Variants in EEFSEC observed in about 807,000 individuals in gnomAD.
EEFSEC encodes the protein selenocysteine-specific elongation factor.
EEFSEC carries 43 observed loss-of-function variants against 42.1 expected under a neutral mutation model. That is an observed-to-expected ratio of 1.02 (90% CI 0.80 to 1.32). The LOEUF (loss-of-function observed/expected upper bound fraction) is 1.32, where lower values mean the gene tolerates loss of function less well. Among genes scored for constraint, EEFSEC ranks in the 40% most tolerant of loss-of-function variants. The probability of loss-of-function intolerance (pLI) is 0.00; values close to 1 mark genes in which losing one functional copy is unlikely to be tolerated. For missense variants in EEFSEC, 745 were observed against 803.6 expected, an observed-to-expected ratio of 0.93 and a Z score of 0.88; for synonymous variants, 354 against 339.1, an observed-to-expected ratio of 1.04 and a Z score of -0.48.
intron 6 of EEFSEC, among the ~76,000 whole-genome samples, chr3:128,385,065 G>T (rs2067822808): frequency 6.6e-6 from 1 of 152,174 alleles, no homozygotes; most frequent in Non-Finnish European, 1.5e-5. Context: ...TCCTGGCCCA[G>T]GACAAGGAGT....
chr3:128,153,630 G>A lies in EEFSEC; in HGVS notation c.123G>A (p.Gln41=), dbSNP rs1944297184. The A allele has an allele frequency of 6.3e-7, 1 of 1,597,876 alleles. No homozygotes were observed. The highest frequency in any genetic ancestry group is 1.4e-5 in the African/African-American group (1 of 73,580). ...ASTAAFDKQP[Q]SRERGITLDL... Reference sequence around the variant, plus strand: ...CCGCCGCCTTTGACAAGCAGCCGCAGAGCCGCGAGCGCGGCATCACGCTCG... The same window carrying A: ...CCGCCGCCTTTGACAAGCAGCCGCAAAGCCGCGAGCGCGGCATCACGCTCG... Residue 41 remains glutamine (Q), a synonymous_variant, in exon 1 of 7, where the codon CAG becomes CAA. Coordinates refer to ENST00000254730, the MANE Select transcript of EEFSEC (RefSeq NM_021937.5).
chr3:128,347,228 A>G (rs1314622532), intron 5 of EEFSEC, among the ~76,000 whole-genome samples: 3 of 152,122 alleles, frequency 2.0e-5, no homozygotes, highest in Admixed American at 6.6e-5. Context: ...GTGTACTTCT[A>G]TAAGAGTGTG....
chr3:128,425,140 A>C, the EEFSEC span, among the ~76,000 whole-genome samples: 17 of 152,202 alleles, frequency 1.1e-4, no homozygotes, highest in Admixed American at 1.0e-3. Flanking sequence ...GAGTCAAAAG[A>C]GAGAACAGGT....
the EEFSEC span, among the ~76,000 whole-genome samples, chr3:128,424,632 GC>G: frequency 6.6e-6 from 1 of 152,012 alleles, no homozygotes; most frequent in African/African-American, 2.4e-5. Context: ...TGATCTTCCT[GC>G]CTTGGCCTCT....
Position 128,317,835 on chromosome 3 carries a change from G to C in EEFSEC, c.787-23398G>C, listed in dbSNP as rs1480159588. ...AGCTGCTCCGTCCATCCACAGGCCT[G>C]GCACAGATGTCCCCTCCTCTCTGAG... is the stretch of plus-strand genomic sequence containing the variant. On this transcript the variant is annotated intron_variant, in intron 4 of 6. Coordinates refer to ENST00000254730, the MANE Select transcript of EEFSEC (RefSeq NM_021937.5). This position sits in a 1 kb window ranked among gnomAD's most constrained non-coding sequence, Gnocchi z 4.1. Among the ~76,000 whole-genome samples the C allele has an allele frequency of 6.6e-6, 1 of 152,214 alleles. No individual in the cohort carries two copies. Among genetic ancestry groups the C allele is most frequent in the East Asian group, 1.9e-4 (1 of 5,192 alleles).
chr3:128,205,524 T>C (rs1553742390), intron 1 of EEFSEC, among the ~76,000 whole-genome samples: 1 of 152,242 alleles, frequency 6.6e-6, no homozygotes, highest in Non-Finnish European at 1.5e-5. Context: ...TGCCTAATAA[T>C]AGGATCTCCA....
chr3:128,298,317 T>G (rs2066731313), intron 4 of EEFSEC, among the ~76,000 whole-genome samples: 1 of 152,138 alleles, frequency 6.6e-6, no homozygotes, highest in Admixed American at 6.5e-5. Flanking sequence ...CCAGCTGATT[T>G]TAAAGTTTTT....
intron 1 of EEFSEC, among the ~76,000 whole-genome samples, chr3:128,228,791 C>G: frequency 6.6e-6 from 1 of 152,158 alleles, no homozygotes; most frequent in East Asian, 1.9e-4. Context: ...GGTAATAGTA[C>G]CTGTATCCTA....
At chr3:128,303,164 C>T (rs1300083366) in intron 4 of EEFSEC, among the ~76,000 whole-genome samples, 5 of 152,054 alleles carry the variant, frequency 3.3e-5, no homozygotes, top group African/African-American at 9.7e-5. Flanking sequence ...ACGGAGGTCT[C>T]ACTTTTTTGT....
At chr3:128,168,318 G>A (rs374715617) in intron 1 of EEFSEC, among the ~76,000 whole-genome samples, 1 of 152,174 alleles carries the variant, frequency 6.6e-6, no homozygotes, top group Non-Finnish European at 1.5e-5. Context: ...ACAAAAAGAG[G>A]TCACTGTCTC....
At chr3:128,241,201 C>CTTTTTTTTTT (rs373420882) in intron 1 of EEFSEC, among the ~76,000 whole-genome samples, 3 of 80,668 alleles carry the variant, frequency 3.7e-5, no homozygotes, top group African/African-American at 5.0e-5. Flanking sequence ...CTCTCTCTCT[C>CTTTTTTTTTT]TTTTTTTTTT....
At chr3:128,186,184 G>C (rs1163235756) in intron 1 of EEFSEC, among the ~76,000 whole-genome samples, 1 of 152,048 alleles carries the variant, frequency 6.6e-6, no homozygotes, top group African/African-American at 2.4e-5. Context: ...TTCCCTGATG[G>C]TGAGTGATAT....
chr3:128,153,700 C>G lies in EEFSEC; in HGVS notation c.193C>G (p.Arg65Gly), dbSNP rs775920859. Residue 65 changes from arginine to glycine, a missense_variant, in exon 1 of 7, where the codon CGG becomes GGG. Transcript: ENST00000254730. The stretch of plus-strand genomic sequence containing the variant: ...CTCGGTGCCGCTGCCCGCGCGCCTG[C>G]GGTCGTCTTTGCCCGAGTTCCAGGC... ...CFSVPLPARLRSSLPEFQAAP... is the reference protein window; with the variant it reads ...CFSVPLPARLGSSLPEFQAAP... 2 of 1,587,856 alleles carry G rather than the reference C, an allele frequency of 1.3e-6. No homozygotes were observed. The highest frequency in any genetic ancestry group is 2.3e-5 in the South Asian group (2 of 88,850).
chr3:128,317,118 T>G lies in EEFSEC; in HGVS notation c.787-24115T>G, dbSNP rs2066954941. ...GAAGACGTTCTGGCAGGCTGGGGGT[T>G]AGAGTTTTCCAAGCAGAGCCAGTAA... On this transcript the variant is annotated intron_variant, in intron 4 of 6. Transcript: ENST00000254730. This position sits in a 1 kb window ranked among gnomAD's most constrained non-coding sequence, Gnocchi z 4.1. Among the ~76,000 whole-genome samples the G allele has an allele frequency of 6.6e-6, 1 of 152,070 alleles. No individual in the cohort carries two copies. The highest frequency in any genetic ancestry group is 2.4e-5 in the African/African-American group (1 of 41,410).
intron 4 of EEFSEC, among the ~76,000 whole-genome samples, chr3:128,316,577 G>GTGGTTTAGGGCTGTT (rs1310769688): frequency 5.3e-5 from 8 of 152,228 alleles, no homozygotes; most frequent in Non-Finnish European, 1.0e-4. Context: ...CATGTGTGAA[G>GTGGTTTAGGGCTGTT]TGGTTTAGGG....
chr3:128,256,432 G>A (rs1209957528), intron 2 of EEFSEC, among the ~76,000 whole-genome samples: 4 of 152,068 alleles, frequency 2.6e-5, no homozygotes, highest in African/African-American at 9.7e-5. Flanking sequence ...AAACATATAC[G>A]TGCATATTTA....
intron 6 of EEFSEC, among the ~76,000 whole-genome samples, chr3:128,395,247 C>T (rs576186892): frequency 6.4e-4 from 98 of 152,314 alleles, no homozygotes; most frequent in Admixed American, 1.3e-3. Flanking sequence ...GAAGGCAGAA[C>T]GGGAGCCATG....
the EEFSEC span, among the ~76,000 whole-genome samples, chr3:128,418,547 C>A: frequency 6.6e-6 from 1 of 151,802 alleles, no homozygotes; most frequent in African/African-American, 2.4e-5. Context: ...CCCCCGTGCC[C>A]CACAGACTGT....
chr3:128,329,589 G>A (rs1576642061), intron 4 of EEFSEC, among the ~76,000 whole-genome samples: 1 of 152,230 alleles, frequency 6.6e-6, no homozygotes, highest in South Asian at 2.1e-4. Flanking sequence ...ACGAGGAGGG[G>A]CCTGGCAGTC....
Sources: allele counts gnomAD v4.1 joint callset (sites outside exome capture counted in the v4.1 genomes callset), GRCh38; gene constraint gnomAD v4.1.1; non-coding constraint Gnocchi (gnomAD v3.1); transcripts MANE v1.5; gene names NCBI Gene and HGNC (gene_info 2026-07-23, HGNC 2026-07-21).